The following CAPS2 variants were observed in gnomAD, a reference collection of about 807,000 sequenced individuals.
CAPS2 encodes the protein calcyphosine 2.
A neutral mutation model predicts 86.5 loss-of-function variants in CAPS2; 98 were observed. The ratio of observed to expected loss-of-function variants is 1.13; its 90% CI spans 0.96 to 1.34. The LOEUF (loss-of-function observed/expected upper bound fraction) is 1.34. CAPS2 is among the 40% of genes most tolerant of loss of function. The pLI, the probability that CAPS2 is intolerant of heterozygous loss-of-function variation, is 0.00. For synonymous variants in CAPS2, 210 were observed against 225.1 expected (o/e 0.93, Z 0.60); for missense variants, 729 against 686.8 (o/e 1.06, Z -0.69).
intron 16 of CAPS2, among the ~76,000 whole-genome samples, chr12:75,281,217 A>G (rs1351602840): frequency 6.6e-6 from 1 of 151,964 alleles, no homozygotes; most frequent in Admixed American, 6.6e-5. Context: ...ATTTGGAAGT[A>G]TCACTTAAAA....
chr12:75,388,585 A>G (rs1023865845), intron 1 of CAPS2, among the ~76,000 whole-genome samples: 1 of 152,224 alleles, frequency 6.6e-6, no homozygotes, highest in Non-Finnish European at 1.5e-5. Flanking sequence ...TTCTGGAAAA[A>G]GCAAAACTAT....
chr12:75,357,236 T>C (rs1028632040), intron 1 of CAPS2, among the ~76,000 whole-genome samples: 1 of 152,074 alleles, frequency 6.6e-6, no homozygotes, highest in Non-Finnish European at 1.5e-5. Flanking sequence ...TATCAGAAAA[T>C]GTAGATTTCA....
chr12:75,317,764 A>T (rs1593494703), intron 5 of CAPS2, among the ~76,000 whole-genome samples: 1 of 152,288 alleles, frequency 6.6e-6, no homozygotes, highest in East Asian at 1.9e-4. Flanking sequence ...CATTATCACA[A>T]TCAAATTAAT....
upstream of CAPS2, chr12:75,329,803 C>A: frequency 6.5e-7 from 1 of 1,528,102 alleles, no homozygotes; most frequent in Non-Finnish European, 8.8e-7. Context: ...ACTCCCCCTG[C>A]TCCCAAATTA....
chr12:75,388,556 T>C (rs2139871457), intron 1 of CAPS2, among the ~76,000 whole-genome samples: 1 of 152,288 alleles, frequency 6.6e-6, no homozygotes, highest in South Asian at 2.1e-4. Flanking sequence ...ACATACTGTA[T>C]GACTCCAACT....
intron 14 of CAPS2, among the ~76,000 whole-genome samples, chr12:75,287,099 C>CAT (rs546046567): frequency 1.6e-4 from 24 of 149,744 alleles, no homozygotes; most frequent in East Asian, 9.7e-4. Context: ...CATATATATA[C>CAT]ATATATATAT....
chr12:75,352,418 A>T (rs376248890), intron 1 of CAPS2, among the ~76,000 whole-genome samples: 31 of 152,242 alleles, frequency 2.0e-4, no homozygotes, highest in African/African-American at 7.5e-4. Context: ...GGCATTACAT[A>T]ATGGTAAAGT....
chr12:75,335,458 G>A (rs963597252), intron 1 of CAPS2, among the ~76,000 whole-genome samples: 2 of 152,122 alleles, frequency 1.3e-5, no homozygotes, highest in African/African-American at 2.4e-5. Flanking sequence ...ACTTGACTAT[G>A]AATTGTATGA....
intron 14 of CAPS2, among the ~76,000 whole-genome samples, chr12:75,286,335 G>A (rs547432335): frequency 8.2e-4 from 125 of 152,092 alleles, no homozygotes; most frequent in African/African-American, 3.0e-3. Context: ...TTAAACTGAA[G>A]ATGAGCTTGA....
intron 1 of CAPS2, among the ~76,000 whole-genome samples, chr12:75,359,568 T>C (rs1593801848): frequency 6.6e-6 from 1 of 151,908 alleles, no homozygotes. Context: ...GCTAATAATA[T>C]GGTTTTCAAA....
At chr12:75,294,542 C>T (rs1388583058) in intron 11 of CAPS2, among the ~76,000 whole-genome samples, 2 of 152,146 alleles carry the variant, frequency 1.3e-5, no homozygotes, top group African/African-American at 4.8e-5. Flanking sequence ...GCCTAACTTT[C>T]TTAGGCACCT....
At chr12:75,290,097 G>A (rs973796959) in intron 13 of CAPS2, among the ~76,000 whole-genome samples, 1 of 152,108 alleles carries the variant, frequency 6.6e-6, no homozygotes, top group African/African-American at 2.4e-5. Context: ...CTTAGATTTT[G>A]TTGTGTAGAC....
chr12:75,318,766 AT>A (rs142733367), intron 5 of CAPS2, among the ~76,000 whole-genome samples: 15 of 150,318 alleles, frequency 1.0e-4, no homozygotes, highest in East Asian at 3.9e-4. Context: ...CCATTGATTG[AT>A]TTTTTTTTTC....
At chr12:75,317,869 A>G (rs908220634) in intron 5 of CAPS2, among the ~76,000 whole-genome samples, 34 of 152,096 alleles carry the variant, frequency 2.2e-4, no homozygotes, top group African/African-American at 2.4e-5. Context: ...CCTTCTTATC[A>G]AATTTCTAGG....
At chr12:75,326,174 A>G (rs965295414) in intron 1 of CAPS2, among the ~76,000 whole-genome samples, 2 of 152,046 alleles carry the variant, frequency 1.3e-5, no homozygotes, top group Non-Finnish European at 2.9e-5. Context: ...TATTTTCCTT[A>G]AACAAATATT....
At chr12:75,334,506 C>T, upstream of CAPS2, 2 of 1,345,966 alleles carry the variant, frequency 1.5e-6, no homozygotes, top group Non-Finnish European at 1.9e-6. Flanking sequence ...GAGGGCGACT[C>T]AGAGCTTTCC....
chr12:75,293,352 A>G lies in CAPS2; in HGVS notation c.1060T>C (p.Phe354Leu), dbSNP rs1036605674. The change falls in exon 12 of 17, where the codon TTT becomes CTT. Residue 354 changes from phenylalanine to leucine, a missense_variant. By Grantham distance (22) the Phe-to-Leu change is conservative. Coordinates refer to ENST00000393284, the Ensembl canonical transcript of CAPS2. ...AGGCTGAGATGATCAGAACTCAAAAATGTCAAGGTTGCACCCTAAACAAAA... is the reference window on the plus strand; with the variant it reads ...AGGCTGAGATGATCAGAACTCAAAAGTGTCAAGGTTGCACCCTAAACAAAA... 1 of 1,611,210 alleles carries G rather than the reference A, an allele frequency of 6.2e-7. No homozygotes were observed. The highest frequency in any genetic ancestry group is 1.3e-5 in the African/African-American group (1 of 74,956).
rs897012694 is a variant in CAPS2 at position 75,363,479 on chromosome 12, T to C, written c.-395+27359A>G. ...ACTATGGGTTGAAATGCTTCTTATT[T>C]TTACTCGCTTTCATTGACCTCTTGT... is the stretch of plus-strand genomic sequence containing the variant. On this transcript the variant is annotated intron_variant, in intron 1 of 5. Transcript: ENST00000551829. Among the ~76,000 whole-genome samples, 4 of 152,290 alleles carry C rather than the reference T, an allele frequency of 2.6e-5. No individual in the cohort carries two copies. In the East Asian group the frequency reaches 7.7e-4, roughly 29 times the overall value.
intron 9 of CAPS2, 139 bp from the exon 10 acceptor site, chr12:75,299,105 G>C: frequency 1.9e-6 from 1 of 534,718 alleles, no homozygotes; most frequent in Non-Finnish European, 3.2e-6. Context: ...GGAAACTGTA[G>C]GGAAAACACA....
Sources: allele counts gnomAD v4.1 joint callset (sites outside exome capture counted in the v4.1 genomes callset), GRCh38; gene constraint gnomAD v4.1.1; transcripts MANE v1.5; gene names NCBI Gene and HGNC (gene_info 2026-07-23, HGNC 2026-07-21).